Variants in CDH12 observed in about 807,000 individuals in gnomAD.
CDH12 encodes cadherin-12.
CDH12 carries 41 observed loss-of-function variants against 74.1 expected under a neutral mutation model. The ratio of observed to expected loss-of-function variants is 0.55; its 90% CI spans 0.43 to 0.72. The LOEUF (loss-of-function observed/expected upper bound fraction) is 0.72, where lower values mean the gene tolerates loss of function less well. Ranked by LOEUF, CDH12 falls within the 30% of genes least tolerant of loss-of-function variation. CDH12 has a pLI of 0.00. For synonymous variants in CDH12, 399 were observed against 355.0 expected (o/e 1.12, Z -1.39); for missense variants, 945 against 977.2 (o/e 0.97, Z 0.44).
intron 3 of CDH12, among the ~76,000 whole-genome samples, chr5:22,404,261 C>G (rs982699962): frequency 2.6e-5 from 4 of 151,952 alleles, no homozygotes; most frequent in Non-Finnish European, 5.9e-5. Context: ...AAACTCAAAG[C>G]ACAAACTCAC....
intron 7 of CDH12, 118 bp from the exon 8 acceptor site, chr5:21,842,446 C>T: frequency 1.6e-6 from 1 of 638,962 alleles, no homozygotes; most frequent in Non-Finnish European, 2.6e-6. Context: ...GACATAATAG[C>T]TAAAATTGTA....
intron 4 of CDH12, among the ~76,000 whole-genome samples, chr5:22,105,865 C>T (rs1022246352): frequency 6.6e-6 from 1 of 152,086 alleles, no homozygotes; most frequent in African/African-American, 2.4e-5. Context: ...TAAAGAGACT[C>T]AGCATGTCTT....
chr5:22,267,441 G>C (rs1316904707), intron 3 of CDH12, among the ~76,000 whole-genome samples: 3 of 152,080 alleles, frequency 2.0e-5, no homozygotes, highest in Non-Finnish European at 4.4e-5. Flanking sequence ...CTTTATTCTA[G>C]ATTGATATAG....
chr5:21,755,743 A>G lies in CDH12; in HGVS notation c.1733T>C (p.Val578Ala), dbSNP rs1483231312. ...PVVIEDSSYP[V>A]QSSTNTMTIR... ...AGTCATTGTGTTTGTGCTGCTCTGG[A>G]CAGGGTAGCTGCTGTCTTCTATTAC... Residue 578 changes from valine (V) to alanine (A), a missense_variant, in exon 14 of 15, where the codon GTC becomes GCC. Around this residue, in one of 3 missense-constraint regions of CDH12, gnomAD observed 791 missense variants for 792.8 expected, o/e 1.00. Transcript: ENST00000382254. 6.2e-7 allele frequency: 1 copy of G among 1,614,076 alleles called. No individual in the cohort carries two copies. The highest frequency in any genetic ancestry group is 8.5e-7 in the Non-Finnish European group (1 of 1,179,952).
intron 4 of CDH12, among the ~76,000 whole-genome samples, chr5:22,114,106 C>A (rs1744959547): frequency 6.6e-6 from 1 of 152,294 alleles, no homozygotes; most frequent in East Asian, 1.9e-4. Flanking sequence ...TGCATCCCCA[C>A]AGGAAACAGC....
At chr5:21,938,795 A>C (rs1433081619) in intron 6 of CDH12, among the ~76,000 whole-genome samples, 1 of 144,058 alleles carries the variant, frequency 6.9e-6, no homozygotes, top group Non-Finnish European at 1.5e-5. Context: ...TTCTGGCAAA[A>C]GCATTAAGGA....
chr5:22,002,867 T>C (rs550353587), intron 5 of CDH12, among the ~76,000 whole-genome samples: 10 of 152,252 alleles, frequency 6.6e-5, no homozygotes, highest in Admixed American at 2.0e-4. Flanking sequence ...TATGATTCTC[T>C]GAAGACTGAT....
chr5:22,164,782 G>C (rs1046420735), intron 4 of CDH12, among the ~76,000 whole-genome samples: 6 of 144,052 alleles, frequency 4.2e-5, no homozygotes, highest in Non-Finnish European at 7.5e-5. Flanking sequence ...TGTGAGCTCA[G>C]TTGCAAGCCC....
intron 3 of CDH12, among the ~76,000 whole-genome samples, chr5:22,355,825 A>G (rs2150468536): frequency 6.6e-6 from 1 of 152,234 alleles, no homozygotes; most frequent in South Asian, 2.1e-4. Flanking sequence ...TGAAACACAC[A>G]CATGCACAAA....
intron 1 of CDH12, among the ~76,000 whole-genome samples, chr5:22,800,272 A>C (rs1009784317): frequency 1.3e-5 from 2 of 152,186 alleles, no homozygotes; most frequent in Admixed American, 1.3e-4. Flanking sequence ...TAACAAACAT[A>C]ATGTTGCTCA....
chr5:22,425,463 T>C (rs1245753016), intron 2 of CDH12, among the ~76,000 whole-genome samples: 1 of 151,576 alleles, frequency 6.6e-6, no homozygotes, highest in African/African-American at 2.4e-5. Context: ...CGTCATTATA[T>C]GAAGGCGGTG....
chr5:22,272,148 TA>T (rs1452296461), intron 3 of CDH12, among the ~76,000 whole-genome samples: 1 of 152,226 alleles, frequency 6.6e-6, no homozygotes, highest in Non-Finnish European at 1.5e-5. Context: ...TCAATGATCT[TA>T]GCTAGATCTT....
At chr5:21,875,626 A>G (rs1196412631) in intron 6 of CDH12, among the ~76,000 whole-genome samples, 1 of 4,074 alleles carries the variant, frequency 2.5e-4, no homozygotes, top group African/African-American at 7.5e-4. Flanking sequence ...TTCTTCCACT[A>G]GTGCTGGCTC....
intron 7 of CDH12, among the ~76,000 whole-genome samples, chr5:21,846,120 T>C (rs1750153806): frequency 6.6e-6 from 1 of 152,094 alleles, no homozygotes; most frequent in Non-Finnish European, 1.5e-5. Flanking sequence ...AAGATTAGGG[T>C]GGTATGGCCA....
At chr5:22,452,889 A>G (rs1398679809) in intron 2 of CDH12, among the ~76,000 whole-genome samples, 1 of 146,698 alleles carries the variant, frequency 6.8e-6, no homozygotes, top group East Asian at 2.0e-4. Context: ...GCAAAAAAAA[A>G]AAAAAAAAAA....
intron 3 of CDH12, among the ~76,000 whole-genome samples, chr5:22,375,684 T>C (rs1455382545): frequency 6.6e-6 from 1 of 151,984 alleles, no homozygotes; most frequent in Non-Finnish European, 1.5e-5. Context: ...TGATAAGTAT[T>C]TGAAAAATGG....
chr5:22,443,902 A>G (rs1457159050), intron 2 of CDH12, among the ~76,000 whole-genome samples: 1 of 152,148 alleles, frequency 6.6e-6, no homozygotes, highest in African/African-American at 2.4e-5. Flanking sequence ...ACACATGCAT[A>G]TGTACTTGCA....
chr5:21,886,227 C>A (rs1011886111), intron 6 of CDH12, among the ~76,000 whole-genome samples: 17 of 151,880 alleles, frequency 1.1e-4, no homozygotes, highest in African/African-American at 4.1e-4. Flanking sequence ...TTTCTTCCCT[C>A]TGAAATTTTG....
At position 21,950,708 on chromosome 5, in the gene CDH12, T is replaced by C. The variant is rs192970457; in HGVS notation, c.526+24383A>G. Among the ~76,000 whole-genome samples, 185 of 150,274 alleles carry C rather than the reference T, an allele frequency of 1.2e-3. 2 individuals are homozygous for C. The highest frequency in any genetic ancestry group is 8.4e-3 in the Admixed American group (127 of 15,072). ...AAAAGAGAGAAACAGTAAAATAATT[T>C]AAAAATGCAAGTGAGGTTATAGTAA... On this transcript the variant is annotated intron_variant, in intron 6 of 14. Coordinates refer to ENST00000382254, the MANE Select transcript of CDH12 (RefSeq NM_004061.5).
Sources: allele counts gnomAD v4.1 joint callset (sites outside exome capture counted in the v4.1 genomes callset), GRCh38; gene constraint gnomAD v4.1.1; regional missense constraint gnomAD v4.1.1; transcripts MANE v1.5; gene names NCBI Gene and HGNC (gene_info 2026-07-23, HGNC 2026-07-21).